The following CWC27 variants were observed in gnomAD, a reference collection of about 807,000 sequenced individuals.
CWC27 encodes the protein CWC27 spliceosome associated cyclophilin.
CWC27 carries 47 observed loss-of-function variants against 63.6 expected under a neutral mutation model. The observed-to-expected ratio is 0.74, with a 90% CI of 0.58 to 0.94. The LOEUF (loss-of-function observed/expected upper bound fraction) is 0.94, where lower values mean the gene tolerates loss of function less well. CWC27 is among the 40% of genes least tolerant of loss of function. The pLI, the probability that CWC27 is intolerant of heterozygous loss-of-function variation, is 0.00. For missense variants in CWC27, 495 were observed against 554.3 expected, an observed-to-expected ratio of 0.89 and a Z score of 1.07; for synonymous variants, 175 against 179.8, an observed-to-expected ratio of 0.97 and a Z score of 0.22.
At chr5:64,885,275 C>T (rs1747040659) in intron 10 of CWC27, among the ~76,000 whole-genome samples, 168 bp from the exon 11 acceptor site, 1 of 151,862 alleles carries the variant, frequency 6.6e-6, no homozygotes, top group African/African-American at 2.4e-5. Context: ...TCTTAAAATC[C>T]TTTAAGTGTA....
chr5:64,928,827 A>C (rs889108254), intron 11 of CWC27, among the ~76,000 whole-genome samples: 1 of 152,220 alleles, frequency 6.6e-6, no homozygotes, highest in Non-Finnish European at 1.5e-5. Context: ...GTAAGTAGAA[A>C]CAAATAAATC....
intron 1 of CWC27, among the ~76,000 whole-genome samples, chr5:64,770,953 T>C (rs980635108): frequency 3.9e-5 from 6 of 152,226 alleles, no homozygotes; most frequent in Non-Finnish European, 5.9e-5. Context: ...CCAGGCTCTA[T>C]GCTAGGTTTT....
In CWC27 at chr5:64,848,758, G is replaced by T. The variant is rs548819685; in HGVS notation, c.939-36685G>T. 7.2e-5 allele frequency among the ~76,000 whole-genome samples: 11 copies of T among 152,260 alleles called. No homozygotes were observed. In the South Asian group the frequency reaches 2.3e-3, roughly 32 times the overall value. ...AAACCATGTGATCATGTCACTAGATGCAGGAAAAGCATTTGATAAAATTCA... is the reference window on the plus strand; with the variant it reads ...AAACCATGTGATCATGTCACTAGATTCAGGAAAAGCATTTGATAAAATTCA... On this transcript the variant is annotated intron_variant, in intron 10 of 13. Transcript: ENST00000381070.
chr5:64,818,386 A>G (rs1019366833), intron 10 of CWC27, among the ~76,000 whole-genome samples: 1 of 152,184 alleles, frequency 6.6e-6, no homozygotes, highest in African/African-American at 2.4e-5. Context: ...TCTTCCTTTT[A>G]GATAAGCGTT....
rs1221688391 is a variant in CWC27, at chr5:64,840,385, AAAAAAAAAAATATATATATATATATATAT to A, written c.938+36001_938+36029del. On this transcript the variant is annotated intron_variant, in intron 10 of 13. Transcript: ENST00000381070. ...ATTAAAAAAAAAAAAAAAAAAAAAAAAAAAAAAAAATATATATATATATATATATATATATATATATATATACTTATTAA... is the reference window on the plus strand; with the variant it reads ...ATTAAAAAAAAAAAAAAAAAAAAAAAATATATATATATATATACTTATTAA... 1.3e-3 allele frequency among the ~76,000 whole-genome samples: 88 copies of A among 69,484 alleles called. 3 individuals are homozygous for A. The highest frequency in any genetic ancestry group is 4.2e-3 in the African/African-American group (65 of 15,546). 45.6% of individuals were successfully genotyped at this position (69,484 alleles called of 152,430 possible).
intron 13 of CWC27, among the ~76,000 whole-genome samples, chr5:64,977,664 T>C (rs1749252195): frequency 6.6e-6 from 1 of 152,206 alleles, no homozygotes; most frequent in South Asian, 2.1e-4. Context: ...ACTAACTTCC[T>C]CTTCAAAGTT....
rs1306498878 is a variant in CWC27 at position 64,831,223 on chromosome 5, A to G, written c.938+26837A>G. ...CCATTTTTCAAAATGTTGTATGACA[A>G]TTTCTTGAATTATAGAATTATAATT... On this transcript the variant is annotated intron_variant, in intron 10 of 13. Transcript: ENST00000381070. Among the ~76,000 whole-genome samples, 7 of 151,944 alleles carry G rather than the reference A, an allele frequency of 4.6e-5. No homozygotes were observed. In the South Asian group the frequency reaches 1.2e-3, roughly 27 times the overall value.
At chr5:64,888,350 T>G (rs1747127281) in intron 11 of CWC27, among the ~76,000 whole-genome samples, 1 of 146,896 alleles carries the variant, frequency 6.8e-6, no homozygotes, top group East Asian at 1.9e-4. Context: ...GTATAATAAA[T>G]AATATAAAGT....
At chr5:64,808,176 A>G in intron 10 of CWC27, 4 of 1,005,794 alleles carry the variant, frequency 4.0e-6, no homozygotes, top group Non-Finnish European at 4.8e-6. Flanking sequence ...CACATTTTTA[A>G]TTAGAATCTG....
At chr5:64,802,035 C>G (rs1744507054) in intron 9 of CWC27, among the ~76,000 whole-genome samples, 1 of 152,080 alleles carries the variant, frequency 6.6e-6, no homozygotes, top group Admixed American at 6.6e-5. Flanking sequence ...CTGACCTTGT[C>G]AAGAAAAGCT....
At chr5:64,948,556 A>G (rs1303810149) in intron 11 of CWC27, among the ~76,000 whole-genome samples, 4 of 152,046 alleles carry the variant, frequency 2.6e-5, no homozygotes, top group Admixed American at 1.3e-4. Flanking sequence ...ATGCTAGACC[A>G]AGAAGAAATC....
intron 11 of CWC27, among the ~76,000 whole-genome samples, chr5:64,922,691 C>T (rs1748020363): frequency 6.6e-6 from 1 of 152,226 alleles, no homozygotes; most frequent in African/African-American, 2.4e-5. Flanking sequence ...TAAGAAAACA[C>T]TCTGACTGTT....
chr5:64,896,939 C>T (rs915028376), intron 11 of CWC27, among the ~76,000 whole-genome samples: 9 of 152,150 alleles, frequency 5.9e-5, no homozygotes, highest in African/African-American at 1.7e-4. Context: ...AAGCCGCGCA[C>T]GGTGGCTCAT....
chr5:64,815,420 C>T (rs1017396208), intron 10 of CWC27, among the ~76,000 whole-genome samples: 5 of 152,164 alleles, frequency 3.3e-5, no homozygotes, highest in African/African-American at 1.2e-4. Flanking sequence ...GCGTCTGCTT[C>T]GAATTGGCAT....
chr5:64,912,306 G>C (rs543804825), intron 11 of CWC27, among the ~76,000 whole-genome samples: 91 of 152,054 alleles, frequency 6.0e-4, no homozygotes, highest in African/African-American at 2.2e-3. Context: ...AAAATAGCCA[G>C]GTGCACAAAG....
intron 11 of CWC27, among the ~76,000 whole-genome samples, chr5:64,917,479 T>C (rs927540095): frequency 3.9e-5 from 6 of 152,208 alleles, no homozygotes; most frequent in Non-Finnish European, 8.8e-5. Flanking sequence ...ATATGTCAGC[T>C]TCACTGGGCG....
At chr5:64,878,745 G>A (rs929696791) in intron 10 of CWC27, among the ~76,000 whole-genome samples, 1 of 151,860 alleles carries the variant, frequency 6.6e-6, no homozygotes, top group Non-Finnish European at 1.5e-5. Flanking sequence ...GAACAAAGGA[G>A]TATGTGTACT....
At chr5:64,838,491 C>T (rs1356905276) in intron 10 of CWC27, among the ~76,000 whole-genome samples, 1 of 152,160 alleles carries the variant, frequency 6.6e-6, no homozygotes, top group East Asian at 1.9e-4. Flanking sequence ...AGCTAACAAT[C>T]TGTGGGCTAT....
chr5:64,840,379 AAAAAAAAAAAAAAAAATATATATAT>A (rs1201310125), intron 10 of CWC27, among the ~76,000 whole-genome samples: 2 of 70,214 alleles, frequency 2.8e-5, no homozygotes, highest in African/African-American at 1.2e-4. Context: ...AAAAAAAAAA[AAAAAAAAAAAAAAAAATATATATAT>A]ATATATATAT....
Sources: gnomAD v4.1 joint callset for allele counts (sites outside exome capture counted in the v4.1 genomes callset) on GRCh38, gnomAD v4.1.1 for gene constraint, MANE v1.5 for transcripts, NCBI Gene and HGNC (gene_info 2026-07-23, HGNC 2026-07-21) for gene names.